The following TRABD2B variants were observed in gnomAD, a reference collection of about 807,000 sequenced individuals.
The protein encoded by TRABD2B is TraB domain containing 2B, also known as metalloprotease TIKI2.
TRABD2B carries 14 observed loss-of-function variants against 40.1 expected under a neutral mutation model. The observed-to-expected ratio is 0.35, with a 90% CI of 0.23 to 0.55. TRABD2B has a LOEUF of 0.55. TRABD2B is among the 20% of genes least tolerant of loss of function. TRABD2B has a pLI of 0.90. For missense variants in TRABD2B, 541 were observed against 648.6 expected (o/e 0.83, Z 1.80); for synonymous variants, 263 against 277.0 (o/e 0.95, Z 0.50).
At chr1:47,952,781 A>G (rs1052226338) in intron 2 of TRABD2B, among the ~76,000 whole-genome samples, 1 of 152,110 alleles carries the variant, frequency 6.6e-6, no homozygotes, top group Non-Finnish European at 1.5e-5. Flanking sequence ...TGAACACCAA[A>G]TGAGCAAAAT....
chr1:47,989,375 G>A (rs1307962433), intron 2 of TRABD2B, among the ~76,000 whole-genome samples: 3 of 152,070 alleles, frequency 2.0e-5, no homozygotes, highest in Non-Finnish European at 2.9e-5. Flanking sequence ...ATCAGGGATG[G>A]TCACATCATG....
Position 47,895,972 on chromosome 1 carries a change from T to C in TRABD2B, c.667-94353A>G, listed in dbSNP as rs143262361. 5.6e-3 allele frequency among the ~76,000 whole-genome samples: 859 copies of C among 152,330 alleles called. 7 individuals carry two copies. The highest frequency in any genetic ancestry group is 8.1e-3 in the Non-Finnish European group (550 of 68,036). The stretch of plus-strand genomic sequence containing the variant: ...AGGTTCCTGTGTGCCTTGGCCCCAG[T>C]GGCAGGACTCATTCCAGCAATGGCT... On this transcript the variant is annotated intron_variant, in intron 2 of 6. Coordinates refer to ENST00000606738, the MANE Select transcript of TRABD2B (RefSeq NM_001194986.2).
rs1403216533 is a variant in TRABD2B at position 47,801,632 on chromosome 1, AAG to A, written c.667-15_667-14del. On this transcript the variant is annotated splice_polypyrimidine_tract_variant and intron_variant, in intron 2 of 6. Transcript: ENST00000606738. ...GGGCAAACAGCACCTGGGCCGAGGA[AAG>A]AGAGAGGAATGAGGGCTGTGCTCAG... 6 of 1,534,932 alleles carry A rather than the reference AAG, an allele frequency of 3.9e-6. No individual in the cohort carries two copies. Among genetic ancestry groups the A allele is most frequent in the Non-Finnish European group, 5.2e-6 (6 of 1,146,184 alleles).
At chr1:47,770,697 T>G (rs994888509) in intron 6 of TRABD2B, among the ~76,000 whole-genome samples, 2 of 152,258 alleles carry the variant, frequency 1.3e-5, no homozygotes, top group African/African-American at 4.8e-5. Context: ...ACGAGACTTT[T>G]CCTCTTCCTG....
intron 2 of TRABD2B, among the ~76,000 whole-genome samples, chr1:47,821,006 C>T (rs1645101504): frequency 6.6e-6 from 1 of 152,186 alleles, no homozygotes; most frequent in African/African-American, 2.4e-5. Context: ...TCCTTGCATC[C>T]TCTGGGCATC....
intron 6 of TRABD2B, among the ~76,000 whole-genome samples, chr1:47,771,375 CA>C (rs1190959952): frequency 4.6e-5 from 7 of 152,194 alleles, no homozygotes; most frequent in Admixed American, 2.6e-4. Context: ...TCTTGTCACC[CA>C]CCTCTGTGCC....
intron 2 of TRABD2B, among the ~76,000 whole-genome samples, chr1:47,953,570 G>A (rs1345096653): frequency 6.6e-6 from 1 of 152,100 alleles, no homozygotes; most frequent in Non-Finnish European, 1.5e-5. Context: ...CAGTTGGGGT[G>A]GCCATACAAT....
intron 2 of TRABD2B, among the ~76,000 whole-genome samples, chr1:47,961,178 G>A (rs1645508891): frequency 6.6e-6 from 1 of 152,164 alleles, no homozygotes; most frequent in South Asian, 2.1e-4. Flanking sequence ...GCTGAAACTG[G>A]ATCTCTTCCT....
intron 4 of TRABD2B, 104 bp from the exon 5 acceptor site, chr1:47,778,648 C>T: frequency 1.3e-6 from 1 of 784,684 alleles, no homozygotes; most frequent in South Asian, 1.5e-5. Flanking sequence ...CAGTGACCTA[C>T]ACCAAAGTCA....
rs1644429403 is a variant in TRABD2B at position 47,775,281 on chromosome 1, T to A, written c.1238A>T (p.Asp413Val). 1 of 1,257,432 alleles carries A rather than the reference T, an allele frequency of 8.0e-7. No homozygotes were observed. The highest frequency in any genetic ancestry group is 3.8e-5 in the Admixed American group (1 of 26,490). 77.9% of individuals were successfully genotyped at this position (1,257,432 alleles called of 1,614,324 possible). The change falls in exon 6 of 7, where the codon GAC (aspartate) becomes GTC (valine). Residue 413 changes from aspartate to valine, a missense_variant. By Grantham distance (152) the Asp-to-Val change is radical. Coordinates refer to ENST00000606738, the MANE Select transcript of TRABD2B (RefSeq NM_001194986.2). Reference protein sequence around the residue: ...PALSPHLLLPDSLSQLEEFGR... With the variant: ...PALSPHLLLPVSLSQLEEFGR... ...AAACTCCTCCAGCTGGCTGAGGCTG[T>A]CGGGGAGCAGGAGGTGTGGGGACAG...
intron 2 of TRABD2B, among the ~76,000 whole-genome samples, chr1:47,933,107 A>AT (rs35311752): frequency 2.4e-4 from 34 of 140,384 alleles, no homozygotes; most frequent in Admixed American, 6.4e-4. Flanking sequence ...ATCTCCTGTC[A>AT]TTTTTTTTTT....
chr1:47,986,913 C>T (rs900309755), intron 2 of TRABD2B, among the ~76,000 whole-genome samples: 4 of 152,070 alleles, frequency 2.6e-5, no homozygotes, highest in Admixed American at 6.5e-5. Context: ...ATTAAGTGGG[C>T]GGACAGAGAG....
intron 2 of TRABD2B, among the ~76,000 whole-genome samples, chr1:47,897,166 A>G (rs1414316304): frequency 1.3e-5 from 2 of 152,214 alleles, no homozygotes; most frequent in African/African-American, 4.8e-5. Context: ...TTTTAAATGG[A>G]GCAGTCATTG....
At chr1:47,769,368 A>C (rs1644349665) in intron 6 of TRABD2B, among the ~76,000 whole-genome samples, 1 of 152,204 alleles carries the variant, frequency 6.6e-6, no homozygotes, top group South Asian at 2.1e-4. Flanking sequence ...ACCAAGTAGG[A>C]GTTATGAATA....
chr1:47,766,449 G>A (rs1430066260), intron 6 of TRABD2B, among the ~76,000 whole-genome samples: 20 of 152,156 alleles, frequency 1.3e-4, no homozygotes, highest in Admixed American at 1.3e-3. Context: ...ACCATGGGGT[G>A]GTCAGTCATC....
intron 2 of TRABD2B, among the ~76,000 whole-genome samples, chr1:47,882,480 T>C (rs961017685): frequency 3.9e-5 from 6 of 152,212 alleles, no homozygotes; most frequent in Admixed American, 3.9e-4. Context: ...CTCAGCTCCA[T>C]CTGGTGGTCC....
intron 2 of TRABD2B, among the ~76,000 whole-genome samples, chr1:47,914,918 T>C (rs1379233517): frequency 6.6e-6 from 1 of 152,234 alleles, no homozygotes; most frequent in Non-Finnish European, 1.5e-5. Flanking sequence ...CTGTGGCCCG[T>C]GCTCTGGGTA....
intron 2 of TRABD2B, among the ~76,000 whole-genome samples, chr1:47,943,936 T>C (rs1460449216): frequency 6.6e-6 from 1 of 152,236 alleles, no homozygotes; most frequent in Non-Finnish European, 1.5e-5. Flanking sequence ...ACACACATTA[T>C]GTCTTCTAAT....
At chr1:47,962,361 AAAAC>A (rs1050753958) in intron 2 of TRABD2B, among the ~76,000 whole-genome samples, 16 of 152,260 alleles carry the variant, frequency 1.1e-4, no homozygotes, top group East Asian at 9.6e-4. Flanking sequence ...TTAAAGTGTA[AAAAC>A]AAACAAACAA....
Sources: allele counts gnomAD v4.1 joint callset (sites outside exome capture counted in the v4.1 genomes callset), GRCh38; gene constraint gnomAD v4.1.1; transcripts MANE v1.5; gene names NCBI Gene and HGNC (gene_info 2026-07-23, HGNC 2026-07-21).